PAPOLA: variants seen among roughly 807,000 people sequenced by gnomAD.
PAPOLA encodes polynucleotide adenylyltransferase alpha.
A neutral mutation model predicts 100.6 loss-of-function variants in PAPOLA; 15 were observed. That is an observed-to-expected ratio of 0.15 (90% CI 0.10 to 0.23). The LOEUF (loss-of-function observed/expected upper bound fraction) is 0.23, where lower values mean the gene tolerates loss of function less well. Ranked by LOEUF, PAPOLA falls within the 10% of genes least tolerant of loss-of-function variation. The pLI, the probability that PAPOLA is intolerant of heterozygous loss-of-function variation, is 1.00. For missense variants in PAPOLA, 533 were observed against 884.2 expected (o/e 0.60, Z 5.04); for synonymous variants, 293 against 300.0 (o/e 0.98, Z 0.24).
At chr14:96,541,958 C>T (rs1035494698) in intron 12 of PAPOLA, 5 of 216,080 alleles carry the variant, frequency 2.3e-5, no homozygotes, top group African/African-American at 9.2e-5. Context: ...AGCACTCAAT[C>T]GGTGTCATTG....
chr14:96,557,746 C>CT lies in PAPOLA; in HGVS notation c.2004+1347dup, dbSNP rs775920112. On this transcript the variant is annotated intron_variant, in intron 19 of 21. Transcript: ENST00000216277. ...CTTATTCTCTGAAGACTTTTTCTTT[C>CT]TTTTTTTTTTTTTTGGAAATAGCTG... 5.3e-3 allele frequency among the ~76,000 whole-genome samples: 707 copies of CT among 132,614 alleles called. 4 individuals carry two copies. Among genetic ancestry groups the CT allele is most frequent in the African/African-American group, 0.011 (406 of 35,764 alleles). 87.0% of individuals were successfully genotyped at this position (132,614 alleles called of 152,430 possible). A position where few individuals can be genotyped will look rare whatever the true frequency, so the allele number is the denominator to read the frequency against.
At position 96,555,893 on chromosome 14, in the gene PAPOLA, A is replaced by G. The variant is rs373193769; in HGVS notation, c.1711A>G (p.Ile571Val). Residue 571 changes from isoleucine (I) to valine (V), a missense_variant, in exon 18 of 22, where the codon ATA (isoleucine) becomes GTA (valine). Transcript: ENST00000216277. ...TGTAACAGCAGCATCTGTGACCAAC[A>G]TACAGGCTACTGAAGTTTCTGTGCC... ...PAVTAASVTN[I>V]QATEVSVPQV... The G allele has an allele frequency of 3.1e-6, 5 of 1,612,204 alleles. No individual in the cohort carries two copies. In the African/African-American group the frequency reaches 5.3e-5, roughly 17 times the overall value.
In PAPOLA at chr14:96,566,881, C is replaced by G. The variant is rs1902313897; in HGVS notation, c.*1831C>G. 6.6e-6 allele frequency: 1 copy of G among 152,554 alleles called. No individual in the cohort carries two copies. The highest frequency in any genetic ancestry group is 6.6e-5 in the Admixed American group (1 of 15,252). 9.5% of individuals were successfully genotyped at this position (152,554 alleles called of 1,614,324 possible). ...TTATTAAACGTTTCATGTAACTGCA[C>G]CCAAGTTTTGCCAAGCTGGAAACTT... On this transcript the variant is annotated 3_prime_UTR_variant, in exon 22 of 22. Transcript: ENST00000216277.
rs369546303 is a variant in PAPOLA, at chr14:96,520,104, T to C, written c.58T>C (p.Tyr20His). ...ACAAACACAACCGCCACAGAAGCACTATGGCATTACTTCTCCTATCAGCTT... is the reference window on the plus strand; with the variant it reads ...ACAAACACAACCGCCACAGAAGCACCATGGCATTACTTCTCCTATCAGCTT... ...SQQTQPPQKH[Y>H]GITSPISLAA... The change falls in exon 2 of 22, where the codon TAT becomes CAT. Residue 20 changes from tyrosine to histidine, a missense_variant. Around this residue, in one of 9 missense-constraint regions of PAPOLA, gnomAD observed 48 missense variants for 52.3 expected, o/e 0.92. Transcript: ENST00000216277. The C allele has an allele frequency of 3.1e-6, 5 of 1,613,940 alleles. No homozygotes were observed. The highest frequency in any genetic ancestry group is 4.2e-6 in the Non-Finnish European group (5 of 1,179,954).
At chr14:96,550,171 A>G (rs1047448214) in intron 16 of PAPOLA, among the ~76,000 whole-genome samples, 1 of 152,182 alleles carries the variant, frequency 6.6e-6, no homozygotes, top group African/African-American at 2.4e-5. Flanking sequence ...AATTTTTTTA[A>G]AAAAGTATAC....
chr14:96,532,753 C>A (rs1899145178), intron 9 of PAPOLA, 104 bp downstream of exon 9: 1 of 1,440,316 alleles, frequency 6.9e-7, no homozygotes, highest in Non-Finnish European at 9.1e-7. Context: ...AATTTTAGTT[C>A]ATGATGTAGT....
chr14:96,513,189 G>T (rs1005722635), intron 1 of PAPOLA, among the ~76,000 whole-genome samples: 6 of 151,996 alleles, frequency 3.9e-5, no homozygotes, highest in African/African-American at 1.4e-4. Context: ...TCAGCCTTCT[G>T]AGTAGCTGGG....
intron 1 of PAPOLA, among the ~76,000 whole-genome samples, chr14:96,513,725 T>C (rs1224010114): frequency 1.3e-5 from 2 of 152,214 alleles, no homozygotes; most frequent in African/African-American, 2.4e-5. Context: ...TTCCCTGATA[T>C]GCAGTGAAAC....
intron 1 of PAPOLA, among the ~76,000 whole-genome samples, chr14:96,510,479 G>A (rs947263690): frequency 3.3e-5 from 5 of 149,288 alleles, no homozygotes; most frequent in Middle Eastern, 3.2e-3. Context: ...CAACACACAC[G>A]CGCGCGTGCG....
chr14:96,518,443 C>T (rs1293546156), intron 1 of PAPOLA, among the ~76,000 whole-genome samples: 1 of 151,302 alleles, frequency 6.6e-6, no homozygotes, highest in African/African-American at 2.4e-5. Context: ...GAGTCTCGCT[C>T]TGTCCCCCAG....
intron 6 of PAPOLA, 146 bp from the exon 7 acceptor site, chr14:96,531,329 G>A (rs544184207): frequency 4.4e-5 from 27 of 613,164 alleles, no homozygotes; most frequent in South Asian, 4.3e-4. Flanking sequence ...ACAGGGTTTC[G>A]CCATGTTGCC....
At chr14:96,525,452 C>A (rs1170870926) in intron 4 of PAPOLA, 61 bp downstream of exon 4, 15 of 689,506 alleles carry the variant, frequency 2.2e-5, no homozygotes, top group Admixed American at 8.7e-5. Flanking sequence ...TTATGACATA[C>A]CCGTCTCAGT....
At chr14:96,514,620 C>T (rs1897324236) in intron 1 of PAPOLA, among the ~76,000 whole-genome samples, 1 of 152,212 alleles carries the variant, frequency 6.6e-6, no homozygotes, top group Non-Finnish European at 1.5e-5. Context: ...AAAAATGTCA[C>T]TATTCTTTCT....
intron 16 of PAPOLA, 37 bp downstream of exon 16, chr14:96,547,955 A>G: frequency 6.6e-7 from 1 of 1,513,640 alleles, no homozygotes; most frequent in Non-Finnish European, 9.0e-7. Context: ...CATTACTAAC[A>G]TAATGTTTTA....
chr14:96,547,971 C>A, intron 16 of PAPOLA, 53 bp downstream of exon 16: 2 of 1,414,456 alleles, frequency 1.4e-6, no homozygotes, highest in Non-Finnish European at 1.9e-6. Flanking sequence ...TTTTATGCAT[C>A]TGGACTATCA....
chr14:96,531,920 A>G, intron 7 of PAPOLA: 1 of 1,321,144 alleles, frequency 7.6e-7, no homozygotes, highest in South Asian at 1.9e-5. Flanking sequence ...TGCTTTCAGC[A>G]TTGCTGAGAT....
At position 96,532,816 on chromosome 14, in the gene PAPOLA, A is replaced by AT. The variant is rs112354137; in HGVS notation, c.836+175dup. On this transcript the variant is annotated intron_variant, in intron 9 of 21. Transcript: ENST00000216277. ...GTGTATAAAATGGCAAACTGAAACT[A>AT]TTTTTTTTCCCTAGTTTGGCCAGGA... The AT allele has an allele frequency of 2.1e-5, 28 of 1,335,182 alleles. No individual in the cohort carries two copies. The South Asian group carries it at 3.5e-4, about 17-fold the overall frequency. 82.7% of individuals were successfully genotyped at this position (1,335,182 alleles called of 1,614,324 possible). A position where few individuals can be genotyped will look rare whatever the true frequency, so the allele number is the denominator to read the frequency against.
At chr14:96,552,966 C>T (rs1595553223) in intron 17 of PAPOLA, 1 of 194,682 alleles carries the variant, frequency 5.1e-6, no homozygotes, top group Admixed American at 5.7e-5. Flanking sequence ...ACCTTTCTGT[C>T]CCAGAGCTGC....
intron 1 of PAPOLA, among the ~76,000 whole-genome samples, chr14:96,508,837 CATT>C (rs2140226369): frequency 6.6e-6 from 1 of 152,260 alleles, no homozygotes; most frequent in South Asian, 2.1e-4. Flanking sequence ...AAAGCAGCAA[CATT>C]ATAGGAGGTA....
Sources: gnomAD v4.1 joint callset for allele counts (sites outside exome capture counted in the v4.1 genomes callset) on GRCh38, gnomAD v4.1.1 for gene constraint, gnomAD v4.1.1 regional missense constraint, MANE v1.5 for transcripts, NCBI Gene and HGNC (gene_info 2026-07-23, HGNC 2026-07-21) for gene names.